Variants in TRIM33 observed in about 807,000 individuals in gnomAD.
The protein encoded by TRIM33 is tripartite motif containing 33.
In TRIM33, 20 loss-of-function variants were observed where a neutral mutation model predicts 125.4. The observed-to-expected ratio is 0.16, with a 90% CI of 0.11 to 0.23. The LOEUF (loss-of-function observed/expected upper bound fraction) is 0.23. Among genes scored for constraint, TRIM33 ranks in the 10% least tolerant of loss-of-function variants. The probability of loss-of-function intolerance (pLI) is 1.00; values close to 1 mark genes in which losing one functional copy is unlikely to be tolerated. For missense variants in TRIM33, 920 were observed against 1,411.4 expected, an observed-to-expected ratio of 0.65 and a Z score of 5.58; for synonymous variants, 564 against 513.9, an observed-to-expected ratio of 1.10 and a Z score of -1.32.
At chr1:114,443,710 T>C (rs77838872) in intron 4 of TRIM33, among the ~76,000 whole-genome samples, 4,012 of 152,086 alleles carry the variant, frequency 0.026, 94 homozygotes, top group Non-Finnish European at 0.034. Context: ...CTACTCTAAC[T>C]ATACACAAAA....
intron 1 of TRIM33, among the ~76,000 whole-genome samples, chr1:114,502,388 A>T (rs1391349302): frequency 6.6e-6 from 1 of 152,216 alleles, no homozygotes; most frequent in African/African-American, 2.4e-5. Flanking sequence ...TTTTGTTTAG[A>T]TGGGGTATGA....
At chr1:114,464,443 G>T in intron 1 of TRIM33, 55 bp from the exon 2 acceptor site, 1 of 1,003,456 alleles carries the variant, frequency 1.0e-6, no homozygotes. Flanking sequence ...AAGAAATTGT[G>T]CATGATGTCC....
At chr1:114,438,227 T>C (rs776782177) in intron 4 of TRIM33, among the ~76,000 whole-genome samples, 22 of 152,242 alleles carry the variant, frequency 1.4e-4, no homozygotes, top group Non-Finnish European at 2.9e-4. Context: ...TATTAAGTTT[T>C]GATTTTGGCA....
At chr1:114,405,793 C>A (rs1652194332) in intron 14 of TRIM33, 34 bp from the exon 15 acceptor site, 1 of 1,542,906 alleles carries the variant, frequency 6.5e-7, no homozygotes, top group South Asian at 1.2e-5. Context: ...CTTGAAGAAT[C>A]ATTTAATCTT....
chr1:114,510,587 G>A lies in TRIM33; in HGVS notation c.490C>T (p.Pro164Ser). ...TCGCCGTTGCTGCCCCCCGGGATGGGCACGCTGAGCTGGCGCTCCGGCTCG... is the reference window on the plus strand; with the variant it reads ...TCGCCGTTGCTGCCCCCCGGGATGGACACGCTGAGCTGGCGCTCCGGCTCG... Reference protein sequence around the residue: ...LPEPERQLSVPIPGGSNGDIQ... With the variant: ...LPEPERQLSVSIPGGSNGDIQ... Residue 164 changes from proline to serine, a missense_variant, in exon 1 of 20, where the codon CCC becomes TCC. Coordinates refer to ENST00000358465, the MANE Select transcript of TRIM33 (RefSeq NM_015906.4). 1.3e-6 allele frequency: 2 copies of A among 1,538,832 alleles called. No individual in the cohort carries two copies. The highest frequency in any genetic ancestry group is 2.4e-5 in the East Asian group (1 of 41,474).
intron 1 of TRIM33, among the ~76,000 whole-genome samples, chr1:114,480,661 C>CCTA (rs1557891476): frequency 6.6e-6 from 1 of 151,768 alleles, no homozygotes; most frequent in Non-Finnish European, 1.5e-5. Flanking sequence ...AAATGACACA[C>CCTA]GGAAAACAAC....
intron 4 of TRIM33, among the ~76,000 whole-genome samples, chr1:114,437,639 A>C (rs1191336942): frequency 6.6e-6 from 1 of 152,148 alleles, no homozygotes; most frequent in Non-Finnish European, 1.5e-5. Context: ...ACCCAGTCTA[A>C]AGTAGTAATT....
rs568334794 is a variant in TRIM33 at position 114,498,096 on chromosome 1, C to T, written c.526+12455G>A. On this transcript the variant is annotated intron_variant, in intron 1 of 19. Coordinates refer to ENST00000358465, the MANE Select transcript of TRIM33 (RefSeq NM_015906.4). Reference sequence around the variant, plus strand: ...GAGCTGAGATCGCACCACTGCACTCCAGCCTGGGCGACAGACTGAGACTCT... The same window carrying T: ...GAGCTGAGATCGCACCACTGCACTCTAGCCTGGGCGACAGACTGAGACTCT... Among the ~76,000 whole-genome samples the T allele has an allele frequency of 4.4e-5, 6 of 136,264 alleles. No individual in the cohort carries two copies. In the East Asian group the frequency reaches 1.2e-3, roughly 28 times the overall value. 89.4% of individuals were successfully genotyped at this position (136,264 alleles called of 152,430 possible).
intron 5 of TRIM33, among the ~76,000 whole-genome samples, chr1:114,431,557 T>C (rs1433850908): frequency 6.6e-6 from 1 of 152,222 alleles, no homozygotes; most frequent in Non-Finnish European, 1.5e-5. Flanking sequence ...GGCTGATACT[T>C]TGGTATTTAC....
At position 114,463,139 on chromosome 1, in the gene TRIM33, A is replaced by G; in HGVS notation, c.888T>C (p.Cys296=). ...TGTGTTCCAATAGCTGACAGTCTCT[A>G]CATGTCAATCTATCACATGTTTCAC... is the stretch of plus-strand genomic sequence containing the variant. ...LFCETCDRLT[C]RDCQLLEHKE... is the part of the protein sequence containing the mutation. The change falls in exon 4 of 20, where the codon TGT becomes TGC. Residue 296 remains cysteine (C), a synonymous_variant. Coordinates refer to ENST00000358465, the MANE Select transcript of TRIM33 (RefSeq NM_015906.4). 6.2e-7 allele frequency: 1 copy of G among 1,612,072 alleles called. No individual in the cohort carries two copies. The highest frequency in any genetic ancestry group is 8.5e-7 in the Non-Finnish European group (1 of 1,179,288).
chr1:114,464,300 A>C lies in TRIM33; in HGVS notation c.615T>G (p.Ala205=). The stretch of plus-strand genomic sequence containing the variant: ...CTGATTTTTCATCAGAACTGCTAGG[A>C]GCTTCAGATGTGTCTTTCACAAAAT... ...DNYFVKDTSE[A]PSSSDEKSEQ... The change falls in exon 2 of 20, where the codon GCT becomes GCG. Residue 205 remains alanine (A), a synonymous_variant. Coordinates refer to ENST00000358465, the MANE Select transcript of TRIM33 (RefSeq NM_015906.4). The C allele has an allele frequency of 1.9e-6, 3 of 1,607,500 alleles. No homozygotes were observed. The highest frequency in any genetic ancestry group is 1.3e-5 in the African/African-American group (1 of 74,606).
intron 4 of TRIM33, among the ~76,000 whole-genome samples, chr1:114,443,142 G>C (rs2101253805): frequency 6.6e-6 from 1 of 151,304 alleles, no homozygotes; most frequent in South Asian, 2.1e-4. Flanking sequence ...CCAGCACTTT[G>C]GGAGGCTGAG....
intron 4 of TRIM33, among the ~76,000 whole-genome samples, chr1:114,461,215 A>AAT (rs11367427): frequency 0.11 from 14,871 of 132,894 alleles, 1,009 homozygotes; most frequent in Non-Finnish European, 0.17. Flanking sequence ...TGTCTTTAAA[A>AAT]ATATATATAT....
At chr1:114,467,680 C>G (rs1179119741) in intron 1 of TRIM33, among the ~76,000 whole-genome samples, 1 of 152,168 alleles carries the variant, frequency 6.6e-6, no homozygotes, top group Non-Finnish European at 1.5e-5. Flanking sequence ...AAACACAAGT[C>G]AAACAAGGAT....
intron 4 of TRIM33, among the ~76,000 whole-genome samples, chr1:114,444,994 A>G (rs956887064): frequency 6.6e-6 from 1 of 152,110 alleles, no homozygotes; most frequent in Non-Finnish European, 1.5e-5. Flanking sequence ...TACTAAAAGA[A>G]AAAAAGGAAA....
At chr1:114,430,009 C>CA (rs1232012820) in intron 6 of TRIM33, among the ~76,000 whole-genome samples, 5 of 151,952 alleles carry the variant, frequency 3.3e-5, no homozygotes, top group Non-Finnish European at 5.9e-5. Flanking sequence ...TACCTAATAT[C>CA]ACAAAATTTT....
At chr1:114,472,193 C>T (rs1013813129) in intron 1 of TRIM33, among the ~76,000 whole-genome samples, 58 of 152,176 alleles carry the variant, frequency 3.8e-4, no homozygotes, top group African/African-American at 1.4e-3. Context: ...ATCATGTAAC[C>T]TGGCTGCAAT....
At chr1:114,437,956 C>A (rs560956166) in intron 4 of TRIM33, among the ~76,000 whole-genome samples, 1 of 152,120 alleles carries the variant, frequency 6.6e-6, no homozygotes, top group South Asian at 2.1e-4. Context: ...TTTTGCTGGG[C>A]ACAGTGGCCC....
intron 1 of TRIM33, among the ~76,000 whole-genome samples, chr1:114,474,113 C>T (rs536058837): frequency 3.3e-5 from 5 of 152,108 alleles, no homozygotes; most frequent in African/African-American, 4.8e-5. Flanking sequence ...ATCACCCAGG[C>T]GGGTCTCAAT....
Sources: allele counts gnomAD v4.1 joint callset (sites outside exome capture counted in the v4.1 genomes callset), GRCh38; gene constraint gnomAD v4.1.1; transcripts MANE v1.5; gene names NCBI Gene and HGNC (gene_info 2026-07-23, HGNC 2026-07-21).